Variants in FAM184B observed in about 807,000 individuals in gnomAD.
FAM184B encodes the protein protein FAM184B.
A neutral mutation model predicts 135.9 loss-of-function variants in FAM184B; 111 were observed. The observed-to-expected ratio is 0.82, with a 90% CI of 0.70 to 0.96. The LOEUF (loss-of-function observed/expected upper bound fraction) is 0.96, where lower values mean the gene tolerates loss of function less well. FAM184B is among the 40% of genes least tolerant of loss of function. The pLI is 0.00. For missense variants in FAM184B, 1,375 were observed against 1,323.9 expected, an observed-to-expected ratio of 1.04 and a Z score of -0.60; for synonymous variants, 552 against 524.8, an observed-to-expected ratio of 1.05 and a Z score of -0.71.
intron 15 of FAM184B, 40 bp from the exon 16 acceptor site, chr4:17,635,153 A>G (rs1296267011): frequency 1.4e-6 from 2 of 1,467,680 alleles, no homozygotes; most frequent in African/African-American, 1.4e-5. Context: ...GAGCCTAACC[A>G]CACAGCACTG....
chr4:17,662,790 G>T (rs1715949801), intron 8 of FAM184B, among the ~76,000 whole-genome samples: 1 of 152,194 alleles, frequency 6.6e-6, no homozygotes, highest in Non-Finnish European at 1.5e-5. Context: ...GCCCTGGATT[G>T]TTGCTAACAT....
At position 17,633,808 on chromosome 4, in the gene FAM184B, G is replaced by GCCA; in HGVS notation, c.2967_2969dup (p.Gly990dup). ...GGGCATTAATCCTGGAACTCAGATC[G>GCCA]CCACTCAGAAAGTTCTTTGCATAGG... On this transcript the variant is annotated inframe_insertion, in exon 17 of 18. Transcript: ENST00000265018. 1 of 1,551,538 alleles carries GCCA rather than the reference G, an allele frequency of 6.4e-7. No homozygotes were observed. Among genetic ancestry groups the GCCA allele is most frequent in the East Asian group, 2.4e-5 (1 of 40,918 alleles).
intron 7 of FAM184B, among the ~76,000 whole-genome samples, chr4:17,684,580 C>A (rs1716534260): frequency 1.3e-5 from 2 of 152,246 alleles, no homozygotes; most frequent in East Asian, 3.8e-4. Context: ...ATGCACACTT[C>A]TCCCTCTAGC....
intron 7 of FAM184B, among the ~76,000 whole-genome samples, chr4:17,669,642 G>A (rs765637822): frequency 6.6e-5 from 10 of 152,168 alleles, no homozygotes; most frequent in Non-Finnish European, 1.3e-4. Context: ...AAAAGGAATT[G>A]TTCACTGAAA....
At chr4:17,719,394 C>T (rs1023563577) in intron 1 of FAM184B, among the ~76,000 whole-genome samples, 13 of 152,322 alleles carry the variant, frequency 8.5e-5, no homozygotes, top group African/African-American at 3.1e-4. Flanking sequence ...TAATTTAAAA[C>T]TTATGAATTG....
intron 6 of FAM184B, among the ~76,000 whole-genome samples, chr4:17,690,272 C>T (rs1716701747): frequency 1.3e-5 from 2 of 152,150 alleles, no homozygotes; most frequent in African/African-American, 4.8e-5. Flanking sequence ...TTCCAGACAG[C>T]AGAAACAGCA....
At chr4:17,648,634 C>T (rs1327101772) in intron 11 of FAM184B, among the ~76,000 whole-genome samples, 1 of 152,010 alleles carries the variant, frequency 6.6e-6, no homozygotes, top group Non-Finnish European at 1.5e-5. Flanking sequence ...GATTATAGCG[C>T]GTGAGCCACA....
intron 7 of FAM184B, among the ~76,000 whole-genome samples, chr4:17,666,190 T>C (rs928121537): frequency 6.6e-6 from 1 of 152,150 alleles, no homozygotes; most frequent in African/African-American, 2.4e-5. Flanking sequence ...GATGTGACCT[T>C]GGGAAAATTA....
chr4:17,722,004 G>A (rs1297583720), intron 1 of FAM184B, among the ~76,000 whole-genome samples: 1 of 152,212 alleles, frequency 6.6e-6, no homozygotes, highest in Admixed American at 6.5e-5. Context: ...GATGCAGGCA[G>A]GAAGAAGAGT....
intron 1 of FAM184B, among the ~76,000 whole-genome samples, chr4:17,717,793 GA>G (rs577134002): frequency 3.1e-4 from 45 of 144,798 alleles, no homozygotes; most frequent in Admixed American, 2.8e-4. Context: ...AAATGAAAAA[GA>G]AAAAAAAAAG....
At chr4:17,715,944 C>A (rs947183794) in intron 1 of FAM184B, among the ~76,000 whole-genome samples, 2 of 152,068 alleles carry the variant, frequency 1.3e-5, no homozygotes, top group African/African-American at 2.4e-5. Context: ...TTTCTTTACT[C>A]TTTTTTCCAT....
intron 1 of FAM184B, among the ~76,000 whole-genome samples, chr4:17,710,602 G>A (rs1717245151): frequency 6.6e-6 from 1 of 152,162 alleles, no homozygotes; most frequent in Non-Finnish European, 1.5e-5. Flanking sequence ...ACTCAGTGAT[G>A]TAAGACTAAA....
intron 11 of FAM184B, among the ~76,000 whole-genome samples, chr4:17,651,900 T>G (rs1188661944): frequency 6.6e-6 from 1 of 152,110 alleles, no homozygotes; most frequent in Non-Finnish European, 1.5e-5. Flanking sequence ...GGGAGAGTTT[T>G]GTGCTGGGGA....
At chr4:17,730,950 CA>C (rs1285611763) in intron 1 of FAM184B, among the ~76,000 whole-genome samples, 1 of 152,142 alleles carries the variant, frequency 6.6e-6, no homozygotes, top group Non-Finnish European at 1.5e-5. Context: ...GCAGAAGCCC[CA>C]GGAGCCAATG....
At chr4:17,645,011 G>C (rs1715430631) in intron 12 of FAM184B, among the ~76,000 whole-genome samples, 1 of 152,072 alleles carries the variant, frequency 6.6e-6, no homozygotes, top group Admixed American at 6.6e-5. Context: ...AAAATACCTA[G>C]GAATCCAACT....
chr4:17,722,612 C>T (rs550642668), intron 1 of FAM184B, among the ~76,000 whole-genome samples: 6 of 152,152 alleles, frequency 3.9e-5, no homozygotes, highest in African/African-American at 7.2e-5. Context: ...AGCTGAAAGA[C>T]GAGGGTGGGC....
At chr4:17,736,212 G>A (rs897782228) in intron 1 of FAM184B, among the ~76,000 whole-genome samples, 1 of 152,116 alleles carries the variant, frequency 6.6e-6, no homozygotes, top group Non-Finnish European at 1.5e-5. Context: ...AGGTTACGGG[G>A]CTGGAAAACA....
intron 1 of FAM184B, among the ~76,000 whole-genome samples, chr4:17,747,875 T>G (rs1444721127): frequency 8.2e-5 from 10 of 122,098 alleles, no homozygotes; most frequent in African/African-American, 2.8e-4. Flanking sequence ...GAGCCGAGAT[T>G]GCGCCACTGC....
chr4:17,738,080 G>A (rs548903480), intron 1 of FAM184B, among the ~76,000 whole-genome samples: 4 of 152,238 alleles, frequency 2.6e-5, no homozygotes, highest in African/African-American at 4.8e-5. Context: ...GGATGAGCAG[G>A]TATCTAAGAC....
Sources: allele counts gnomAD v4.1 joint callset (sites outside exome capture counted in the v4.1 genomes callset), GRCh38; gene constraint gnomAD v4.1.1; transcripts MANE v1.5; gene names NCBI Gene and HGNC (gene_info 2026-07-23, HGNC 2026-07-21).